COL6A5: variants seen among roughly 807,000 people sequenced by gnomAD.
COL6A5 encodes the protein collagen type VI alpha 5 chain, also known as collagen alpha-5(VI) chain.
COL6A5 carries 48 observed loss-of-function variants against 65.6 expected under a neutral mutation model. The observed-to-expected ratio is 0.73, with a 90% CI of 0.58 to 0.93. The LOEUF is 0.93. Ranked by LOEUF, COL6A5 falls within the 40% of genes least tolerant of loss-of-function variation. The pLI is 0.00. For synonymous variants in COL6A5, 291 were observed against 322.8 expected, an observed-to-expected ratio of 0.90 and a Z score of 1.05; for missense variants, 914 against 928.3, an observed-to-expected ratio of 0.98 and a Z score of 0.20.
intron 3 of COL6A5, among the ~76,000 whole-genome samples, chr3:130,377,084 C>G (rs1686865485): frequency 6.6e-6 from 1 of 152,154 alleles, no homozygotes; most frequent in African/African-American, 2.4e-5. Context: ...AATCTCATCC[C>G]TACATTCTTT....
intron 10 of COL6A5, among the ~76,000 whole-genome samples, chr3:130,398,781 A>G (rs1258769186): frequency 4.6e-5 from 7 of 152,150 alleles, no homozygotes; most frequent in Non-Finnish European, 1.0e-4. Flanking sequence ...AAATGGGTCA[A>G]CTCTAGTACA....
intron 7 of COL6A5, among the ~76,000 whole-genome samples, chr3:130,479,732 A>C (rs181619685): frequency 1.3e-5 from 2 of 152,280 alleles, no homozygotes; most frequent in Non-Finnish European, 2.9e-5. Flanking sequence ...AGAAAAGATG[A>C]TTAAAATATT....
intron 5 of COL6A5, among the ~76,000 whole-genome samples, chr3:130,457,430 A>C (rs2107602346): frequency 6.6e-6 from 1 of 152,228 alleles, no homozygotes; most frequent in Non-Finnish European, 1.5e-5. Flanking sequence ...TCAGTATAAA[A>C]GAAAGACTTT....
chr3:130,477,504 T>G (rs1203071255), intron 7 of COL6A5, among the ~76,000 whole-genome samples: 1 of 152,108 alleles, frequency 6.6e-6, no homozygotes, highest in African/African-American at 2.4e-5. Context: ...ATGTAGATAT[T>G]TTTAAGTGGA....
Position 130,380,317 on chromosome 3 carries a change from A to G in COL6A5, c.1300+267A>G, listed in dbSNP as rs74632921. On this transcript the variant is annotated intron_variant and NMD_transcript_variant, in intron 4 of 41. Transcript: ENST00000312481. ...TATGTGTTAATTATAAAATATTGTA[A>G]TAGTATGGCTTGACATACAGAAGAA... 8.7e-3 allele frequency among the ~76,000 whole-genome samples: 1,331 copies of G among 152,302 alleles called. 7 individuals carry two copies. The highest frequency in any genetic ancestry group is 0.052 in the South Asian group (252 of 4,826).
At chr3:130,452,531 G>A (rs1471453487) in intron 4 of COL6A5, among the ~76,000 whole-genome samples, 2 of 152,146 alleles carry the variant, frequency 1.3e-5, no homozygotes, top group Non-Finnish European at 2.9e-5. Flanking sequence ...TTTTCAAAAG[G>A]GGAGGGAGTG....
At chr3:130,421,452 A>G (rs948507243) in intron 27 of COL6A5, 92 bp downstream of exon 27, 3 of 1,201,824 alleles carry the variant, frequency 2.5e-6, no homozygotes, top group Admixed American at 4.0e-5. Flanking sequence ...AAATGGGGAC[A>G]ATAAGGAGAA....
At chr3:130,401,281 G>C (rs775509813) in intron 11 of COL6A5, 108 bp downstream of exon 11, 13 of 980,748 alleles carry the variant, frequency 1.3e-5, no homozygotes, top group Non-Finnish European at 1.9e-5. Flanking sequence ...ACTAAATTAA[G>C]TGCTTTGTCC....
rs377472154 is a variant in COL6A5 at position 130,469,160 on chromosome 3, A to C, written c.1912A>C (p.Ile638Leu). 1.2e-6 allele frequency: 2 copies of C among 1,613,098 alleles called. No individual in the cohort carries two copies. Among genetic ancestry groups the C allele is most frequent in the African/African-American group, 2.7e-5 (2 of 74,864 alleles). ...TCAACAGCTCAATGGAGATGTTTTT[A>C]TTGGCCATGCCTTGCAGTGGACAAT... The change falls in exon 6 of 8, where the codon ATT becomes CTT. Residue 638 changes from isoleucine (I) to leucine (L), a missense_variant. Coordinates refer to ENST00000512836, the Ensembl canonical transcript of COL6A5.
chr3:130,423,820 A>G lies in COL6A5; in HGVS notation c.5101-18A>G. On this transcript the variant is annotated intron_variant and NMD_transcript_variant, in intron 28 of 41. Coordinates refer to the COL6A5 transcript ENST00000312481. ...AGACAGTGTTGAAACTAATGTATTA[A>G]TATATTCCTATCTGCAGCTCACTGT... 1 of 1,542,226 alleles carries G rather than the reference A, an allele frequency of 6.5e-7. No individual in the cohort carries two copies. The highest frequency in any genetic ancestry group is 1.4e-5 in the African/African-American group (1 of 72,910).
chr3:130,468,643 A>G (rs1709873246), intron 5 of COL6A5, among the ~76,000 whole-genome samples, 152 bp from the exon 38 acceptor site: 1 of 151,908 alleles, frequency 6.6e-6, no homozygotes, highest in Non-Finnish European at 1.5e-5. Flanking sequence ...TGGAGGGTGC[A>G]TCTGGGAACA....
At chr3:130,419,224 C>T (rs1004326954) in intron 25 of COL6A5, among the ~76,000 whole-genome samples, 11 of 151,986 alleles carry the variant, frequency 7.2e-5, no homozygotes, top group Admixed American at 3.9e-4. Flanking sequence ...GATGCATATC[C>T]GTTGAAAAAC....
chr3:130,452,330 C>T (rs1443452810), intron 4 of COL6A5, among the ~76,000 whole-genome samples: 10 of 110,604 alleles, frequency 9.0e-5, no homozygotes, highest in African/African-American at 1.4e-4. Context: ...AGCCAGATAT[C>T]GGGCAAAATT....
intron 7 of COL6A5, among the ~76,000 whole-genome samples, chr3:130,394,680 A>G (rs1436890489): frequency 6.6e-6 from 1 of 152,142 alleles, no homozygotes; most frequent in Non-Finnish European, 1.5e-5. Context: ...TTGTATAAAT[A>G]ATTAAACTTT....
chr3:130,441,258 A>C (rs1709174767), intron 3 of COL6A5, among the ~76,000 whole-genome samples: 1 of 152,180 alleles, frequency 6.6e-6, no homozygotes, highest in South Asian at 2.1e-4. Context: ...CACATCACCC[A>C]GGAATCTTGT....
intron 22 of COL6A5, among the ~76,000 whole-genome samples, chr3:130,415,341 G>T (rs568377983): frequency 1.2e-4 from 18 of 152,198 alleles, no homozygotes; most frequent in African/African-American, 4.1e-4. Flanking sequence ...GAATTCATCT[G>T]ACTGTTGTTT....
intron 21 of COL6A5, 91 bp downstream of exon 21, chr3:130,413,671 A>G (rs1399149740): frequency 7.7e-7 from 1 of 1,292,516 alleles, no homozygotes; most frequent in Non-Finnish European, 1.1e-6. Flanking sequence ...ATCAATGAGC[A>G]TTTTACAAGG....
chr3:130,447,460 A>C (rs1709335190), intron 4 of COL6A5, among the ~76,000 whole-genome samples: 1 of 152,178 alleles, frequency 6.6e-6, no homozygotes, highest in Admixed American at 6.6e-5. Flanking sequence ...AGCGGCATTG[A>C]CATGAGTGAG....
chr3:130,450,378 C>A (rs1351711406), intron 4 of COL6A5, among the ~76,000 whole-genome samples: 2 of 152,110 alleles, frequency 1.3e-5, no homozygotes, highest in Admixed American at 1.3e-4. Flanking sequence ...GCCGGCTTGG[C>A]CGCTTGTAAG....
Sources: allele counts gnomAD v4.1 joint callset (sites outside exome capture counted in the v4.1 genomes callset), GRCh38; gene constraint gnomAD v4.1.1; transcripts MANE v1.5; gene names NCBI Gene and HGNC (gene_info 2026-07-23, HGNC 2026-07-21).